Variants in GABBR2 observed in about 807,000 individuals in gnomAD.
The protein encoded by GABBR2 is gamma-aminobutyric acid type B receptor subunit 2.
GABBR2 carries 23 observed loss-of-function variants against 105.6 expected under a neutral mutation model. That is an observed-to-expected ratio of 0.22 (90% CI 0.16 to 0.31). The LOEUF is 0.31. Ranked by LOEUF, GABBR2 falls within the 10% of genes least tolerant of loss-of-function variation. GABBR2 has a pLI of 1.00. For synonymous variants in GABBR2, 478 were observed against 499.7 expected (o/e 0.96, Z 0.58); for missense variants, 734 against 1,245.5 (o/e 0.59, Z 6.18).
intron 7 of GABBR2, among the ~76,000 whole-genome samples, chr9:98,410,548 A>G (rs951638756): frequency 1.3e-3 from 187 of 147,200 alleles, no homozygotes; most frequent in Non-Finnish European, 1.2e-3. Flanking sequence ...GGTTGCAGCA[A>G]GGGGAGCTAC....
chr9:98,500,537 T>C (rs1430039462), intron 3 of GABBR2, among the ~76,000 whole-genome samples: 11 of 152,212 alleles, frequency 7.2e-5, no homozygotes. Flanking sequence ...CCAGGGCCTC[T>C]GGGGCTACCC....
intron 13 of GABBR2, among the ~76,000 whole-genome samples, chr9:98,342,528 A>T (rs764774993): frequency 9.9e-5 from 15 of 152,200 alleles, no homozygotes; most frequent in Admixed American, 3.3e-4. Flanking sequence ...CCCTAGGAGG[A>T]GTTGGCCAGG....
chr9:98,469,919 C>T (rs1305332915), intron 6 of GABBR2, among the ~76,000 whole-genome samples: 1 of 152,172 alleles, frequency 6.6e-6, no homozygotes, highest in East Asian at 1.9e-4. Flanking sequence ...CTGACCGTGG[C>T]CCCAAGCAGC....
At chr9:98,340,182 GGTTT>G (rs1177902441) in intron 13 of GABBR2, among the ~76,000 whole-genome samples, 240 of 149,322 alleles carry the variant, frequency 1.6e-3, no homozygotes, top group African/African-American at 3.8e-3. Context: ...TCCAGTGAGG[GGTTT>G]TTTTTTTTTT....
intron 12 of GABBR2, among the ~76,000 whole-genome samples, chr9:98,367,267 C>T (rs1364384695): frequency 9.7e-6 from 1 of 102,976 alleles, no homozygotes; most frequent in Non-Finnish European, 1.9e-5. Flanking sequence ...ATTGCATTTG[C>T]AAATTTATAT....
At chr9:98,460,847 A>C (rs1564078070) in intron 6 of GABBR2, among the ~76,000 whole-genome samples, 2 of 152,188 alleles carry the variant, frequency 1.3e-5, no homozygotes, top group Admixed American at 6.5e-5. Context: ...TCACTTCAGC[A>C]CAGTGTAGTA....
intron 1 of GABBR2, among the ~76,000 whole-genome samples, chr9:98,651,585 C>A (rs1274667814): frequency 6.6e-6 from 1 of 152,054 alleles, no homozygotes; most frequent in Non-Finnish European, 1.5e-5. Context: ...CAAACACACA[C>A]CATCAACCTT....
intron 1 of GABBR2, among the ~76,000 whole-genome samples, chr9:98,660,970 A>G (rs1830252133): frequency 6.6e-6 from 1 of 152,188 alleles, no homozygotes; most frequent in African/African-American, 2.4e-5. Flanking sequence ...CAATGGCACA[A>G]TCTCAGCTCA....
intron 1 of GABBR2, among the ~76,000 whole-genome samples, chr9:98,604,454 G>A (rs547118244): frequency 3.9e-5 from 6 of 152,266 alleles, no homozygotes; most frequent in South Asian, 2.1e-4. Flanking sequence ...TTTGGGCTCC[G>A]AATGTTTGCT....
intron 13 of GABBR2, among the ~76,000 whole-genome samples, chr9:98,330,956 G>A (rs2131390468): frequency 1.3e-5 from 2 of 152,016 alleles, no homozygotes; most frequent in East Asian, 3.8e-4. Flanking sequence ...CTGTCTCTGT[G>A]GATTTGCCGG....
At position 98,547,066 on chromosome 9, in the gene GABBR2, CTTGA is replaced by C. The variant is rs1262133320; in HGVS notation, c.460-5027_460-5024del. Among the ~76,000 whole-genome samples the C allele has an allele frequency of 1.8e-4, 22 of 119,306 alleles. 5 individuals are homozygous for C. Among genetic ancestry groups the C allele is most frequent in the South Asian group, 2.8e-4 (1 of 3,544 alleles). 78.3% of individuals were successfully genotyped at this position (119,306 alleles called of 152,430 possible). On this transcript the variant is annotated intron_variant, in intron 2 of 18. Transcript: ENST00000259455. ...ATGCAGAGGAGAAATTTGGGGCTGG[CTTGA>C]TTGTCACTGATTGTCGTTCATTTGT...
chr9:98,506,962 C>T (rs1204232714), intron 3 of GABBR2, among the ~76,000 whole-genome samples: 1 of 152,150 alleles, frequency 6.6e-6, no homozygotes, highest in East Asian at 1.9e-4. Context: ...TCTCCCCAGC[C>T]CACCACTGCT....
At chr9:98,545,691 G>C (rs1828384626) in intron 2 of GABBR2, among the ~76,000 whole-genome samples, 1 of 152,206 alleles carries the variant, frequency 6.6e-6, no homozygotes, top group African/African-American at 2.4e-5. Flanking sequence ...TTTGGAATAA[G>C]TAGACTGCAG....
chr9:98,550,993 T>C (rs552968311), intron 2 of GABBR2, among the ~76,000 whole-genome samples: 1 of 152,266 alleles, frequency 6.6e-6, no homozygotes, highest in Non-Finnish European at 1.5e-5. Context: ...TAAAGCCTGC[T>C]TGACAGTGGA....
rs939018102 is a variant in GABBR2, at chr9:98,444,879, G to GCGCGCACACACACA, written c.1236+9101_1236+9102insTGTGTGTGTGCGCG. 3.3e-5 allele frequency among the ~76,000 whole-genome samples: 5 copies of GCGCGCACACACACA among 151,046 alleles called. No individual in the cohort carries two copies. The South Asian group carries it at 8.4e-4, about 25-fold the overall frequency. On this transcript the variant is annotated intron_variant, in intron 7 of 18. Coordinates refer to ENST00000259455, the MANE Select transcript of GABBR2 (RefSeq NM_005458.8). ...CATGCATATGCACATGCGCGCGCGC[G>GCGCGCACACACACA]CACACACACACACACACACACGCAC...
chr9:98,456,691 T>C (rs931775421), intron 6 of GABBR2, among the ~76,000 whole-genome samples: 1 of 152,254 alleles, frequency 6.6e-6, no homozygotes, highest in Admixed American at 6.5e-5. Context: ...CAAAAAGTTG[T>C]AATCCTACTG....
At chr9:98,494,509 G>A (rs189193317) in intron 4 of GABBR2, among the ~76,000 whole-genome samples, 11 of 152,238 alleles carry the variant, frequency 7.2e-5, no homozygotes, top group East Asian at 5.8e-4. Context: ...TCAGAAGTAC[G>A]TGCAGAGCAG....
chr9:98,482,554 T>C (rs897331089), intron 4 of GABBR2, among the ~76,000 whole-genome samples: 2 of 152,198 alleles, frequency 1.3e-5, no homozygotes, highest in Non-Finnish European at 2.9e-5. Flanking sequence ...CATGCATCCA[T>C]CCATCCTTTC....
At chr9:98,398,330 C>CG (rs1163971257) in intron 8 of GABBR2, among the ~76,000 whole-genome samples, 1 of 150,010 alleles carries the variant, frequency 6.7e-6, no homozygotes, top group African/African-American at 2.5e-5. Context: ...GGACCCACCC[C>CG]CCAAACTCAG....
Sources: gnomAD v4.1 joint callset for allele counts (sites outside exome capture counted in the v4.1 genomes callset) on GRCh38, gnomAD v4.1.1 for gene constraint, MANE v1.5 for transcripts, NCBI Gene and HGNC (gene_info 2026-07-23, HGNC 2026-07-21) for gene names.